RNF17: variants seen among roughly 807,000 people sequenced by gnomAD.
The protein encoded by RNF17 is spermatogenesis associated 23.
A neutral mutation model predicts 200.5 loss-of-function variants in RNF17; 31 were observed. That is an observed-to-expected ratio of 0.15 (90% CI 0.12 to 0.21). The LOEUF (loss-of-function observed/expected upper bound fraction) is 0.21, where lower values mean the gene tolerates loss of function less well. Among genes scored for constraint, RNF17 ranks in the 10% least tolerant of loss-of-function variants. The pLI is 1.00. For missense variants in RNF17, 1,628 were observed against 1,905.1 expected, an observed-to-expected ratio of 0.85 and a Z score of 2.71; for synonymous variants, 606 against 637.8, an observed-to-expected ratio of 0.95 and a Z score of 0.75.
chr13:24,770,845 A>C (rs1880558780), intron 2 of RNF17, among the ~76,000 whole-genome samples: 1 of 152,166 alleles, frequency 6.6e-6, no homozygotes, highest in Non-Finnish European at 1.5e-5. Context: ...TTAGTTTTAA[A>C]ATTTTTTTCA....
At chr13:24,835,144 C>T (rs952007226) in intron 18 of RNF17, among the ~76,000 whole-genome samples, 1 of 152,072 alleles carries the variant, frequency 6.6e-6, no homozygotes, top group Non-Finnish European at 1.5e-5. Context: ...AATATCACCC[C>T]CATCCCCCAC....
chr13:24,883,317 C>A (rs1452329994), downstream of RNF17: 2 of 1,613,594 alleles, frequency 1.2e-6, no homozygotes, highest in Non-Finnish European at 1.7e-6. Context: ...TTGAACTGGG[C>A]AGTATGTAGT....
intron 30 of RNF17, 107 bp from the exon 31 acceptor site, chr13:24,868,493 A>AAAGAAAAAAAAAAAAAAAAAAAAG (rs60813801): frequency 3.6e-6 from 1 of 275,156 alleles, no homozygotes; most frequent in Non-Finnish European, 6.7e-6. Context: ...AAAAAAAAAA[A>AAAGAAAAAAAAAAAAAAAAAAAAG]CTTGCTTTCT....
At chr13:24,840,036 GA>G (rs947716064) in intron 18 of RNF17, among the ~76,000 whole-genome samples, 1 of 149,720 alleles carries the variant, frequency 6.7e-6, no homozygotes, top group Non-Finnish European at 1.5e-5. Flanking sequence ...AAATCAGTAA[GA>G]AAAAAAAATA....
chr13:24,787,610 T>C (rs929807606), intron 6 of RNF17, among the ~76,000 whole-genome samples: 1 of 152,176 alleles, frequency 6.6e-6, no homozygotes, highest in Non-Finnish European at 1.5e-5. Context: ...CCCCTGTATA[T>C]ATAACTGCTT....
chr13:24,821,204 C>T (rs1175702544), intron 15 of RNF17, among the ~76,000 whole-genome samples: 1 of 152,040 alleles, frequency 6.6e-6, no homozygotes, highest in Non-Finnish European at 1.5e-5. Context: ...CAAATTTTGC[C>T]GTTTTTATAA....
chr13:24,861,156 G>C, intron 26 of RNF17, 112 bp from the exon 27 acceptor site: 1 of 836,386 alleles, frequency 1.2e-6, no homozygotes, highest in Non-Finnish European at 1.8e-6. Context: ...TGGGATTATA[G>C]GCATGAGCCA....
chr13:24,814,157 A>G (rs1363618203), intron 15 of RNF17, among the ~76,000 whole-genome samples: 1 of 152,214 alleles, frequency 6.6e-6, no homozygotes, highest in Non-Finnish European at 1.5e-5. Context: ...CTGAACGTGG[A>G]TCATTATACA....
intron 11 of RNF17, among the ~76,000 whole-genome samples, chr13:24,797,657 A>C: frequency 6.6e-6 from 1 of 150,712 alleles, no homozygotes; most frequent in East Asian, 1.9e-4. Flanking sequence ...GTGTGTCTAC[A>C]TTGTCCCAGT....
chr13:24,822,060 A>G (rs1180651220), intron 15 of RNF17, among the ~76,000 whole-genome samples: 1 of 152,140 alleles, frequency 6.6e-6, no homozygotes, highest in East Asian at 1.9e-4. Context: ...AGGCAGGTTT[A>G]AGGAGGTGGT....
At chr13:24,880,804 A>T (rs937089342), downstream of RNF17, among the ~76,000 whole-genome samples, 1 of 152,182 alleles carries the variant, frequency 6.6e-6, no homozygotes, top group African/African-American at 2.4e-5. Flanking sequence ...CTAAACAGTA[A>T]TTCTACCAAT....
At chr13:24,848,006 C>A (rs1891444126) in intron 22 of RNF17, among the ~76,000 whole-genome samples, 1 of 152,138 alleles carries the variant, frequency 6.6e-6, no homozygotes, top group African/African-American at 2.4e-5. Flanking sequence ...GAATGGAATA[C>A]CATTATCATT....
the RNF17 span, among the ~76,000 whole-genome samples, chr13:24,749,307 C>CTTTTTTTTTTTTTTTTTTTTT: frequency 2.8e-5 from 3 of 108,032 alleles, no homozygotes; most frequent in Admixed American, 1.2e-4. Context: ...TTCTTTCTTT[C>CTTTTTTTTTTTTTTTTTTTTT]TTTTTTTTTT....
At chr13:24,756,968 C>T in the RNF17 span, among the ~76,000 whole-genome samples, 1 of 152,088 alleles carries the variant, frequency 6.6e-6, no homozygotes, top group Non-Finnish European at 1.5e-5. Flanking sequence ...ATAGTAGATA[C>T]AGTTCCTTAC....
At position 24,782,604 on chromosome 13, in the gene RNF17, A is replaced by AT. The variant is rs1199291902; in HGVS notation, c.611+661dup. ...TCTAAGCTCACTTTGGGAGGCTGAG[A>AT]TGGGGGGGGGATCTTTGAGCTCAGG... On this transcript the variant is annotated intron_variant, in intron 6 of 35. Transcript: ENST00000255324. 2.1e-4 allele frequency among the ~76,000 whole-genome samples: 20 copies of AT among 96,920 alleles called. No homozygotes were observed. In the South Asian group the frequency reaches 2.2e-3, roughly 10 times the overall value. The allele number at this position is 96,920 out of a possible 152,430, so 63.6% of individuals were successfully genotyped here.
Position 24,854,066 on chromosome 13 carries a change from C to T in RNF17, c.3532C>T (p.Pro1178Ser). The change falls in exon 25 of 36, where the codon CCT becomes TCT. Residue 1178 changes from proline to serine, a missense_variant. Coordinates refer to ENST00000255324, the MANE Select transcript of RNF17 (RefSeq NM_031277.3). ...TAGAGGGTATAAGCCACCAGCTATT[C>T]CTAACATGAACGTATTTGAGGCAAC... ...TTRGYKPPAI[P>S]NMNVFEATVS... The T allele has an allele frequency of 6.2e-7, 1 of 1,613,928 alleles. No homozygotes were observed. Among genetic ancestry groups the T allele is most frequent in the Non-Finnish European group, 8.5e-7 (1 of 1,179,846 alleles).
chr13:24,842,298 C>T, intron 19 of RNF17, 137 bp downstream of exon 19: 2 of 647,106 alleles, frequency 3.1e-6, no homozygotes, highest in Non-Finnish European at 4.7e-6. Context: ...CTGTCCTGGA[C>T]CAGAAAAAAT....
upstream of RNF17, among the ~76,000 whole-genome samples, chr13:24,760,794 CAG>C (rs779983301): frequency 4.6e-5 from 7 of 152,068 alleles, no homozygotes; most frequent in East Asian, 1.9e-4. Context: ...ACAACTCAAA[CAG>C]AAAGTGAGCA....
chr13:24,853,766 A>T lies in RNF17; in HGVS notation c.3321-89A>T, dbSNP rs1593439239. On this transcript the variant is annotated intron_variant, in intron 24 of 35. Transcript: ENST00000255324. ...AGAGCAAATATTTTCTTTCAATTTC[A>T]TGTATATCTGAATGATTCTTTTTAT... 4 of 945,912 alleles carry T rather than the reference A, an allele frequency of 4.2e-6. No individual in the cohort carries two copies. In the East Asian group the frequency reaches 1.1e-4, roughly 26 times the overall value. 58.6% of individuals were successfully genotyped at this position (945,912 alleles called of 1,614,324 possible).
Sources: allele counts gnomAD v4.1 joint callset (sites outside exome capture counted in the v4.1 genomes callset), GRCh38; gene constraint gnomAD v4.1.1; transcripts MANE v1.5; gene names NCBI Gene and HGNC (gene_info 2026-07-23, HGNC 2026-07-21).